BRAF: variants seen among roughly 807,000 people sequenced by gnomAD.
The protein encoded by BRAF is B-Raf proto-oncogene, serine/threonine kinase, also known as serine/threonine-protein kinase B-raf.
In BRAF, 16 loss-of-function variants were observed where a neutral mutation model predicts 104.6. The ratio of observed to expected loss-of-function variants is 0.15; its 90% confidence interval spans 0.10 to 0.23. The LOEUF is 0.23. Ranked by LOEUF, BRAF falls within the 10% of genes least tolerant of loss-of-function variation. The pLI, the probability that BRAF is intolerant of heterozygous loss-of-function variation, is 1.00. For synonymous variants in BRAF, 310 were observed against 341.6 expected, an observed-to-expected ratio of 0.91 and a Z score of 1.02; for missense variants, 541 against 937.3, an observed-to-expected ratio of 0.58 and a Z score of 5.52.
chr7:140,725,207 G>C lies in BRAF; in HGVS notation c.*1287C>G, dbSNP rs1210360219. 1.9e-6 allele frequency: 2 copies of C among 1,043,308 alleles called. No individual in the cohort carries two copies. Among genetic ancestry groups the C allele is most frequent in the Non-Finnish European group, 2.3e-6 (2 of 865,246 alleles). The allele number at this position is 1,043,308 out of a possible 1,614,324, so 64.6% of individuals were successfully genotyped here. On this transcript the variant is annotated 3_prime_UTR_variant, in exon 20 of 20. Coordinates refer to ENST00000644969, the MANE Select transcript of BRAF (RefSeq NM_001374258.1). ...GATAAAAGACTAGAAAGAAGATGTG[G>C]GATATAGTGTTAGGAATCAGTTGGA... is the stretch of plus-strand genomic sequence containing the variant.
At chr7:140,884,880 CTAAT>C (rs1813379911) in intron 1 of BRAF, among the ~76,000 whole-genome samples, 1 of 151,960 alleles carries the variant, frequency 6.6e-6, no homozygotes, top group Admixed American at 6.6e-5. Context: ...GACAAAAAAA[CTAAT>C]TAACAAAAGT....
chr7:140,875,137 G>GT (rs1339109593), intron 1 of BRAF, among the ~76,000 whole-genome samples: 2 of 152,150 alleles, frequency 1.3e-5, no homozygotes, highest in Non-Finnish European at 2.9e-5. Flanking sequence ...CAAGAATAGA[G>GT]TAATACATCA....
At position 140,722,128 on chromosome 7, in the gene BRAF, A is replaced by G; in HGVS notation, c.*4366T>C. ...CTTTGAAGAGCCTATGGGAGTAGAA[A>G]AAGTTTCTCTAGAAATGTCACTGAA... is the stretch of plus-strand genomic sequence containing the variant. On this transcript the variant is annotated 3_prime_UTR_variant, in exon 20 of 20. Coordinates refer to ENST00000644969, the MANE Select transcript of BRAF (RefSeq NM_001374258.1). The G allele has an allele frequency of 9.3e-7, 1 of 1,070,058 alleles. No individual in the cohort carries two copies. Among genetic ancestry groups the G allele is most frequent in the Non-Finnish European group, 1.1e-6 (1 of 882,804 alleles). The allele number at this position is 1,070,058 out of a possible 1,614,324, so 66.3% of individuals were successfully genotyped here. A position where few individuals can be genotyped will look rare whatever the true frequency, so the allele number is the denominator to read the frequency against.
intron 1 of BRAF, among the ~76,000 whole-genome samples, chr7:140,886,628 A>C (rs1259745440): frequency 6.6e-6 from 1 of 152,190 alleles, no homozygotes; most frequent in Non-Finnish European, 1.5e-5. Context: ...CAGCTTCTTC[A>C]GATAGTTTAA....
chr7:140,882,400 G>C (rs1244399700), intron 1 of BRAF, among the ~76,000 whole-genome samples: 2 of 144,570 alleles, frequency 1.4e-5, no homozygotes. Context: ...TTGTGAGATG[G>C]AGTCTTGCTC....
intron 7 of BRAF, among the ~76,000 whole-genome samples, chr7:140,798,600 G>A (rs1482385800): frequency 2.2e-5 from 3 of 133,712 alleles, no homozygotes; most frequent in Admixed American, 8.0e-5. Flanking sequence ...GCTTCCAGAC[G>A]CAGCCTAAAT....
chr7:140,896,125 T>G (rs1814864593), intron 1 of BRAF, among the ~76,000 whole-genome samples: 2 of 152,152 alleles, frequency 1.3e-5, no homozygotes, highest in Admixed American at 6.6e-5. Flanking sequence ...GGTTTTGATT[T>G]GCATTTCCCA....
chr7:140,896,785 A>G (rs959853481), intron 1 of BRAF, among the ~76,000 whole-genome samples: 1 of 149,774 alleles, frequency 6.7e-6, no homozygotes, highest in Admixed American at 6.7e-5. Flanking sequence ...AACTGCTTGA[A>G]CATGGGAGGC....
chr7:140,782,946 A>C, intron 11 of BRAF, 75 bp downstream of exon 10: 1 of 1,509,344 alleles, frequency 6.6e-7, no homozygotes. Context: ...AATATATCTA[A>C]AGGATAATAT....
rs775482964 is a variant in BRAF, at chr7:140,794,362, T to G, written c.1086A>C (p.Arg362=). 6.2e-7 allele frequency: 1 copy of G among 1,614,018 alleles called. No individual in the cohort carries two copies. Among genetic ancestry groups the G allele is most frequent in the Admixed American group, 1.7e-5 (1 of 60,004 alleles). Residue 362 remains arginine (R), a synonymous_variant, in exon 8 of 20, where the codon CGA becomes CGC. Transcript: ENST00000644969. ...DHRNQFGQRD[R]SSSAPNVHIN... is the part of the protein sequence containing the mutation. ...TATGCACATTGGGAGCTGATGAGGA[T>G]CGGTCTCGTTGCCCAAATTGATTTC...
chr7:140,818,143 G>A (rs565566296), intron 3 of BRAF, among the ~76,000 whole-genome samples: 1 of 152,188 alleles, frequency 6.6e-6, no homozygotes, highest in Admixed American at 6.5e-5. Flanking sequence ...TTGGGGACAA[G>A]ATGGGACGAT....
At position 140,754,286 on chromosome 7, in the gene BRAF, C is replaced by T. The variant is rs374085430; in HGVS notation, c.1815-53G>A. 1.3e-4 allele frequency: 201 copies of T among 1,505,434 alleles called. No individual in the cohort carries two copies. The Middle Eastern group carries it at 2.0e-3, about 15-fold the overall frequency. 93.3% of individuals were successfully genotyped at this position (1,505,434 alleles called of 1,614,324 possible). A position where few individuals can be genotyped will look rare whatever the true frequency, so the allele number is the denominator to read the frequency against. On this transcript the variant is annotated intron_variant, in intron 14 of 19. Coordinates refer to ENST00000644969, the MANE Select transcript of BRAF (RefSeq NM_001374258.1). ...GAGTAGGGCTAAAGGACTCTGGCCT[C>T]GAAATCTACAGAACATACTTGGGGG...
intron 1 of BRAF, among the ~76,000 whole-genome samples, chr7:140,854,503 C>A (rs1242694468): frequency 6.7e-6 from 1 of 149,382 alleles, no homozygotes; most frequent in Admixed American, 6.6e-5. Context: ...TTTTTTTTTT[C>A]AATGTTCCAT....
rs1261928616 is a variant in BRAF, at chr7:140,723,029, A to C, written c.*3465T>G. The C allele has an allele frequency of 9.5e-7, 1 of 1,052,192 alleles. No individual in the cohort carries two copies. Among genetic ancestry groups the C allele is most frequent in the Non-Finnish European group, 1.1e-6 (1 of 871,176 alleles). 65.2% of individuals were successfully genotyped at this position (1,052,192 alleles called of 1,614,324 possible). Reference sequence around the variant, plus strand: ...TCATCGTCATGTTCTAGAGCTCCTGACTTTTCATATTTTAAAATAAATAAC... The same window carrying C: ...TCATCGTCATGTTCTAGAGCTCCTGCCTTTTCATATTTTAAAATAAATAAC... On this transcript the variant is annotated 3_prime_UTR_variant, in exon 20 of 20. Coordinates refer to ENST00000644969, the MANE Select transcript of BRAF (RefSeq NM_001374258.1).
intron 4 of BRAF, 86 bp from the exon 5 acceptor site, chr7:140,808,148 T>C (rs1249884857): frequency 2.8e-6 from 3 of 1,054,074 alleles, no homozygotes; most frequent in Non-Finnish European, 4.4e-6. Flanking sequence ...AAATTGGTTA[T>C]CGAGGGGCTA....
rs752762818 is a variant in BRAF, at chr7:140,801,393, A to G, written c.860+19T>C. 2 of 1,612,862 alleles carry G rather than the reference A, an allele frequency of 1.2e-6. No homozygotes were observed. Among genetic ancestry groups the G allele is most frequent in the Admixed American group, 3.3e-5 (2 of 60,012 alleles). On this transcript the variant is annotated intron_variant, in intron 6 of 19. Transcript: ENST00000644969. ...GTGTAAAATGGTAGGTAGAAAAGAG[A>G]TATTTTTGGATTACTTACTCAAGTT...
Position 140,809,485 on chromosome 7 carries a change from T to G in BRAF, c.505-490A>C, listed in dbSNP as rs1333561266. On this transcript the variant is annotated intron_variant, in intron 3 of 19. Transcript: ENST00000644969. ...TGTATACTTGATATTTGTTGTTTGGTGCCCCTGTTTCCTCTGGGAATATTC... is the reference window on the plus strand; with the variant it reads ...TGTATACTTGATATTTGTTGTTTGGGGCCCCTGTTTCCTCTGGGAATATTC... 1.3e-5 allele frequency among the ~76,000 whole-genome samples: 2 copies of G among 152,186 alleles called. 1 individual carries two copies. Among genetic ancestry groups the G allele is most frequent in the Non-Finnish European group, 2.9e-5 (2 of 68,014 alleles).
intron 1 of BRAF, among the ~76,000 whole-genome samples, chr7:140,893,157 C>T (rs1049170754): frequency 2.6e-5 from 4 of 151,866 alleles, no homozygotes; most frequent in African/African-American, 7.3e-5. Flanking sequence ...GTAGAGAACA[C>T]AACAGATTTG....
In BRAF at chr7:140,734,785, A is replaced by AT; in HGVS notation, c.2248-16_2248-15insA. ...GAGGCGAGAATCTACAAAAAAAAAA[A>AT]GAAAAAAAAAAGAAAAAAAAAGAAA... On this transcript the variant is annotated splice_polypyrimidine_tract_variant and intron_variant, in intron 18 of 19. Transcript: ENST00000644969. 12 of 1,322,158 alleles carry AT rather than the reference A, an allele frequency of 9.1e-6. No individual in the cohort carries two copies. The highest frequency in any genetic ancestry group is 1.2e-5 in the Non-Finnish European group (12 of 1,013,422). 81.9% of individuals were successfully genotyped at this position (1,322,158 alleles called of 1,614,324 possible).
Sources: allele counts gnomAD v4.1 joint callset (sites outside exome capture counted in the v4.1 genomes callset), GRCh38; gene constraint gnomAD v4.1.1; transcripts MANE v1.5; gene names NCBI Gene and HGNC (gene_info 2026-07-23, HGNC 2026-07-21).